The following PBX1 variants were observed in gnomAD, a reference collection of about 807,000 sequenced individuals.
The protein encoded by PBX1 is PBX homeobox 1.
In PBX1, 6 loss-of-function variants were observed where a neutral mutation model predicts 53.4. The ratio of observed to expected loss-of-function variants is 0.11; its 90% CI spans 0.06 to 0.22. PBX1 has a LOEUF of 0.22. Ranked by LOEUF, PBX1 falls within the 10% of genes least tolerant of loss-of-function variation. PBX1 has a pLI of 1.00. For missense variants in PBX1, 251 were observed against 551.4 expected (o/e 0.46, Z 5.46); for synonymous variants, 204 against 212.3 (o/e 0.96, Z 0.34).
chr1:164,744,447 A>G (rs1047386469), intron 2 of PBX1, among the ~76,000 whole-genome samples: 1 of 152,202 alleles, frequency 6.6e-6, no homozygotes, highest in Admixed American at 6.5e-5. Flanking sequence ...CTGAAACAAC[A>G]ATAATACTCA....
chr1:164,784,471 G>A (rs1171769829), intron 2 of PBX1, among the ~76,000 whole-genome samples: 4 of 152,178 alleles, frequency 2.6e-5, no homozygotes, highest in African/African-American at 7.2e-5. Context: ...GAAAATGCAC[G>A]TGACCAGAAC....
At chr1:164,789,637 G>T (rs545677755) in intron 2 of PBX1, among the ~76,000 whole-genome samples, 1 of 152,194 alleles carries the variant, frequency 6.6e-6, no homozygotes, top group South Asian at 2.1e-4. Flanking sequence ...ACCATTAATA[G>T]GACATCATTC....
At chr1:164,755,595 C>T (rs895661917) in intron 2 of PBX1, among the ~76,000 whole-genome samples, 4 of 151,654 alleles carry the variant, frequency 2.6e-5, no homozygotes, top group South Asian at 4.2e-4. Context: ...ATTCAAAGCA[C>T]GATAATAAGT....
intron 2 of PBX1, chr1:164,674,538 T>G (rs1315327605): frequency 6.6e-6 from 1 of 151,604 alleles, no homozygotes; most frequent in East Asian, 1.9e-4. Context: ...AGCCAAGGAG[T>G]CCTGAGAAAA....
intron 2 of PBX1, among the ~76,000 whole-genome samples, chr1:164,771,883 C>G (rs1156648821): frequency 6.6e-6 from 1 of 152,076 alleles, no homozygotes; most frequent in Admixed American, 6.5e-5. Context: ...TGTCTGAGAT[C>G]GAGATTGGGC....
At chr1:164,840,156 A>T (rs1333211370) in intron 8 of PBX1, among the ~76,000 whole-genome samples, 4 of 152,334 alleles carry the variant, frequency 2.6e-5, no homozygotes, top group African/African-American at 9.6e-5. Context: ...GGTCTCAACC[A>T]CAAGAAAGAA....
In PBX1 at chr1:164,849,872, G is replaced by A; in HGVS notation, c.*3196G>A. Reference sequence around the variant, plus strand: ...ACCTGACTTCGATACCAAAAAAGATGAAACTACAGAAACTCAAATTTAAAA... The same window carrying A: ...ACCTGACTTCGATACCAAAAAAGATAAAACTACAGAAACTCAAATTTAAAA... On this transcript the variant is annotated 3_prime_UTR_variant, in exon 9 of 9. Coordinates refer to ENST00000420696, the MANE Select transcript of PBX1 (RefSeq NM_002585.4). The A allele has an allele frequency of 4.3e-6, 1 of 230,086 alleles. No individual in the cohort carries two copies. Among genetic ancestry groups the A allele is most frequent in the Non-Finnish European group, 8.6e-6 (1 of 116,168 alleles). The allele number at this position is 230,086 out of a possible 1,614,324, so 14.3% of individuals were successfully genotyped here.
At chr1:164,574,160 C>T (rs2101720275) in intron 2 of PBX1, among the ~76,000 whole-genome samples, 1 of 152,320 alleles carries the variant, frequency 6.6e-6, no homozygotes, top group African/African-American at 2.4e-5. Context: ...CTTTCCATAG[C>T]TCTTCATTTT....
chr1:164,870,479 G>C (rs1249375259), intron 2 of PBX1, among the ~76,000 whole-genome samples: 2 of 151,862 alleles, frequency 1.3e-5, no homozygotes, highest in Admixed American at 6.6e-5. Flanking sequence ...CAAGTAATGG[G>C]ATTACAGGCA....
Position 164,696,875 on chromosome 1 carries a change from G to T in PBX1, c.266-95619G>T, listed in dbSNP as rs1444871618. 2.0e-5 allele frequency among the ~76,000 whole-genome samples: 3 copies of T among 152,302 alleles called. No homozygotes were observed. The East Asian group carries it at 5.8e-4, about 29-fold the overall frequency. Reference sequence around the variant, plus strand: ...GTGACCTCTTTCTGGTAGGAGGTCAGAGTTTATTGAGTGACAGTGGACCAG... The same window carrying T: ...GTGACCTCTTTCTGGTAGGAGGTCATAGTTTATTGAGTGACAGTGGACCAG... On this transcript the variant is annotated intron_variant, in intron 2 of 8. Coordinates refer to ENST00000420696, the MANE Select transcript of PBX1 (RefSeq NM_002585.4).
chr1:164,701,813 A>T (rs1663138547), intron 2 of PBX1, among the ~76,000 whole-genome samples: 1 of 152,112 alleles, frequency 6.6e-6, no homozygotes, highest in Non-Finnish European at 1.5e-5. Context: ...GTCATTTTCT[A>T]TCTCTGTATT....
At chr1:164,823,591 G>A (rs1477884844) in intron 8 of PBX1, among the ~76,000 whole-genome samples, 4 of 122,652 alleles carry the variant, frequency 3.3e-5, no homozygotes, top group African/African-American at 1.3e-4. Context: ...ATAGAAGAGA[G>A]AGAGCAGCAG....
chr1:164,856,349 G>A (rs7417612), downstream of PBX1, among the ~76,000 whole-genome samples: 769 of 152,190 alleles, frequency 5.1e-3, 8 homozygotes, highest in African/African-American at 0.018. Flanking sequence ...GAGCCTGCAA[G>A]GTTTAAAATG....
At chr1:164,797,408 T>G in intron 3 of PBX1, among the ~76,000 whole-genome samples, 1 of 152,270 alleles carries the variant, frequency 6.6e-6, no homozygotes, top group South Asian at 2.1e-4. Flanking sequence ...CTCTCCATCC[T>G]GTGGTCTCCA....
At position 164,575,778 on chromosome 1, in the gene PBX1, CA is replaced by C. The variant is rs547970441; in HGVS notation, c.265+12470del. Reference sequence around the variant, plus strand: ...GCTTACATTAATAAATATTTAAAAACAAAGAGCGGGTAACACAAGCACATCT... The same window carrying C: ...GCTTACATTAATAAATATTTAAAAACAAGAGCGGGTAACACAAGCACATCT... On this transcript the variant is annotated intron_variant, in intron 2 of 8. Transcript: ENST00000420696. Among the ~76,000 whole-genome samples the C allele has an allele frequency of 6.6e-5, 10 of 151,620 alleles. 1 individual carries two copies. The highest frequency in any genetic ancestry group is 2.2e-4 in the African/African-American group (9 of 41,366).
chr1:164,596,100 CT>C (rs5778399), intron 2 of PBX1, among the ~76,000 whole-genome samples: 131,677 of 144,992 alleles, frequency 0.91, 59,706 homozygotes, highest in East Asian at 0.98. Flanking sequence ...CAGGTCCCCT[CT>C]TTTTTTTTTT....
At chr1:164,719,735 G>T (rs892074575) in intron 2 of PBX1, among the ~76,000 whole-genome samples, 1 of 152,126 alleles carries the variant, frequency 6.6e-6, no homozygotes, top group Non-Finnish European at 1.5e-5. Flanking sequence ...CATCGAATTT[G>T]GAGGTGTCTG....
chr1:164,848,519 G>T lies in PBX1; in HGVS notation c.*1843G>T, dbSNP rs779658878. ...AGGGACAATAAATGGTTTTCTTGTT[G>T]TAACTTCTGGTTAATATCAGTACCT... On this transcript the variant is annotated 3_prime_UTR_variant, in exon 9 of 9. Coordinates refer to ENST00000420696, the MANE Select transcript of PBX1 (RefSeq NM_002585.4). 22 of 1,059,130 alleles carry T rather than the reference G, an allele frequency of 2.1e-5. No individual in the cohort carries two copies. Among genetic ancestry groups the T allele is most frequent in the Admixed American group, 5.4e-5 (1 of 18,500 alleles). 65.6% of individuals were successfully genotyped at this position (1,059,130 alleles called of 1,614,324 possible).
chr1:164,693,475 G>T (rs1464469909), intron 2 of PBX1, among the ~76,000 whole-genome samples: 2 of 152,188 alleles, frequency 1.3e-5, no homozygotes, highest in African/African-American at 4.8e-5. Flanking sequence ...GCATGCTTTA[G>T]GTAGGGTCCC....
Sources: allele counts gnomAD v4.1 joint callset (sites outside exome capture counted in the v4.1 genomes callset), GRCh38; gene constraint gnomAD v4.1.1; transcripts MANE v1.5; gene names NCBI Gene and HGNC (gene_info 2026-07-23, HGNC 2026-07-21).